CLCNKA: variants seen among roughly 807,000 people sequenced by gnomAD.
CLCNKA encodes the protein chloride voltage-gated channel Ka.
A neutral mutation model predicts 83.3 loss-of-function variants in CLCNKA; 66 were observed. The ratio of observed to expected loss-of-function variants is 0.79; its 90% confidence interval spans 0.65 to 0.97. CLCNKA has a LOEUF of 0.97. Ranked by LOEUF, CLCNKA falls within the 50% of genes least tolerant of loss-of-function variation. CLCNKA has a pLI of 0.00. For missense variants in CLCNKA, 806 were observed against 888.7 expected (o/e 0.91, Z 1.18); for synonymous variants, 357 against 370.4 (o/e 0.96, Z 0.42).
chr1:16,023,386 T>A (rs924259235), intron 2 of CLCNKA, among the ~76,000 whole-genome samples: 1 of 152,156 alleles, frequency 6.6e-6, no homozygotes, highest in Non-Finnish European at 1.5e-5. Context: ...CCCTTCACAC[T>A]CCCTGTCCCC....
At position 16,029,008 on chromosome 1, in the gene CLCNKA, G is replaced by T. The variant is rs532070036; in HGVS notation, c.1054-118G>T. 6.8e-5 allele frequency: 104 copies of T among 1,526,416 alleles called. 1 individual carries two copies. In the East Asian group the frequency reaches 7.0e-4, roughly 10 times the overall value. The allele number at this position is 1,526,416 out of a possible 1,614,324, so 94.6% of individuals were successfully genotyped here. On this transcript the variant is annotated intron_variant, in intron 11 of 19. Transcript: ENST00000331433. ...CTGGGAGGTCAGAGCCCTGCCCAAG[G>T]CCCCCCGCTGGGAAGTGGCAGGGGA...
chr1:16,033,166 C>T lies in CLCNKA; in HGVS notation c.1930-4C>T. The T allele has an allele frequency of 6.2e-7, 1 of 1,614,106 alleles. No individual in the cohort carries two copies. Among genetic ancestry groups the T allele is most frequent in the Non-Finnish European group, 8.5e-7 (1 of 1,179,946 alleles). ...CCAGTGTTTCCTAACAATCCCCCAT[C>T]CAGGCACAAAACCTCTTTAAGCTGT... On this transcript the variant is annotated splice_polypyrimidine_tract_variant and splice_region_variant and intron_variant, in intron 18 of 19. Coordinates refer to ENST00000331433, the MANE Select transcript of CLCNKA (RefSeq NM_004070.4).
In CLCNKA at chr1:16,030,454, C is replaced by T. The variant is rs758584822; in HGVS notation, c.1409-7C>T. 8 of 1,612,408 alleles carry T rather than the reference C, an allele frequency of 5.0e-6. No homozygotes were observed. The highest frequency in any genetic ancestry group is 1.1e-5 in the South Asian group (1 of 91,066). On this transcript the variant is annotated splice_polypyrimidine_tract_variant and splice_region_variant and intron_variant, in intron 14 of 19. Transcript: ENST00000331433. ...CTGAGCCGACCTGTGTGGCTCTGCC[C>T]CGGCAGGGGCTGCAGCCTTCTCAGG...
chr1:16,022,561 G>A (rs1426428583), intron 1 of CLCNKA, 52 bp from the exon 2 acceptor site: 16 of 1,358,132 alleles, frequency 1.2e-5, no homozygotes, highest in East Asian at 2.5e-5. Context: ...CAGAGGCAGC[G>A]CGAGGACGTG....
In CLCNKA at chr1:16,026,160, C is replaced by A. The variant is rs1229481672; in HGVS notation, c.411C>A (p.Asp137Glu). 3 of 1,613,576 alleles carry A rather than the reference C, an allele frequency of 1.9e-6. No homozygotes were observed. Among genetic ancestry groups the A allele is most frequent in the Non-Finnish European group, 2.5e-6 (3 of 1,180,026 alleles). Residue 137 changes from aspartate to glutamate, a missense_variant, in exon 5 of 20, where the codon GAC becomes GAA. Transcript: ENST00000331433. The stretch of plus-strand genomic sequence containing the variant: ...TGTTGGCGGGTGTGATCTTGGAGGA[C>A]TACCTGGATATCAAGAACTTTGGGG... ...KTMLAGVILE[D>E]YLDIKNFGAK...
rs776631698 is a variant in CLCNKA, at chr1:16,026,549, A to G, written c.512A>G (p.His171Arg). The G allele has an allele frequency of 2.5e-6, 4 of 1,613,766 alleles. No homozygotes were observed. The Admixed American group carries it at 6.7e-5, about 27-fold the overall frequency. Residue 171 changes from histidine to arginine, a missense_variant, in exon 6 of 20, where the codon CAC becomes CGC. Transcript: ENST00000331433. ...TTCCCTCTGCAGGGCCCTTTCGTGC[A>G]CCTGTCTGTAATGATCGCTGCCTAC... is the stretch of plus-strand genomic sequence containing the variant. Reference protein sequence around the residue: ...LFLGKVGPFVHLSVMIAAYLG... With the variant: ...LFLGKVGPFVRLSVMIAAYLG...
rs755317852 is a variant in CLCNKA, at chr1:16,026,622, C to A, written c.576+9C>A. 1.9e-6 allele frequency: 3 copies of A among 1,614,004 alleles called. No individual in the cohort carries two copies. The highest frequency in any genetic ancestry group is 2.5e-6 in the Non-Finnish European group (3 of 1,180,018). On this transcript the variant is annotated intron_variant, in intron 6 of 19. Transcript: ENST00000331433. ...CCATCGGGGAGCCTGAGGTTAGGGA[C>A]TCGGGGGCTTCCTTGGAGAAATGGG...
In CLCNKA at chr1:16,026,463, G is replaced by A. The variant is rs1557450070; in HGVS notation, c.499-73G>A. On this transcript the variant is annotated intron_variant, in intron 5 of 19. Transcript: ENST00000331433. ...TTGGGGAGATGGAGGAGGGGGTGTG[G>A]TGGGGAAGCCGTGCTGCCTCGGGGT... is the stretch of plus-strand genomic sequence containing the variant. 17 of 1,595,132 alleles carry A rather than the reference G, an allele frequency of 1.1e-5. 1 individual carries two copies. In the South Asian group the frequency reaches 1.8e-4, roughly 17 times the overall value.
chr1:16,030,374 C>A, intron 14 of CLCNKA, 87 bp from the exon 15 acceptor site: 1 of 1,523,164 alleles, frequency 6.6e-7, no homozygotes, highest in Non-Finnish European at 9.0e-7. Context: ...CCCTAGCCCC[C>A]GGCAGCAGCC....
At chr1:16,023,685 AC>A in intron 2 of CLCNKA, 114 bp from the exon 3 acceptor site, 2 of 1,285,752 alleles carry the variant, frequency 1.6e-6, no homozygotes, top group Non-Finnish European at 2.2e-6. Flanking sequence ...CCTCAGGACT[AC>A]CCCAGACTCA....
chr1:16,026,389 A>T (rs1281700200), intron 5 of CLCNKA, 142 bp downstream of exon 5: 2 of 1,437,494 alleles, frequency 1.4e-6, no homozygotes, highest in Non-Finnish European at 1.9e-6. Flanking sequence ...GGGAAGAGCC[A>T]GGCCAGGTCC....
chr1:16,026,920 C>A lies in CLCNKA; in HGVS notation c.655+145C>A, dbSNP rs111900551. On this transcript the variant is annotated intron_variant, in intron 7 of 19. Transcript: ENST00000331433. ...TCAGCCCCGCTTTGGGTATAGCCAC[C>A]CCCCGGGGGCGGCGGGGCGGGGCGG... is the stretch of plus-strand genomic sequence containing the variant. 13,291 of 1,099,434 alleles carry A rather than the reference C, an allele frequency of 0.012. 1,156 individuals are homozygous for A. In the African/African-American group the frequency reaches 0.18, roughly 15 times the overall value. The allele number at this position is 1,099,434 out of a possible 1,614,324, so 68.1% of individuals were successfully genotyped here.
chr1:16,027,428 CG>C lies in CLCNKA; in HGVS notation c.775del (p.Glu259SerfsTer37). 1.2e-6 allele frequency: 2 copies of C among 1,613,940 alleles called. No individual in the cohort carries two copies. The highest frequency in any genetic ancestry group is 1.7e-6 in the Non-Finnish European group (2 of 1,179,964). On this transcript the variant is annotated frameshift_variant, in exon 8 of 20. Transcript: ENST00000331433. LOFTEE classifies it high-confidence loss of function. ...IFRLLAVFNSEQETITSLYKT... is the reference protein window; with the variant it reads ...IFRLLAVFNSXQETITSLYKT... ...TCCGGCTCCTGGCAGTCTTCAACAG[CG>C]AGCAGGGTGAGCCCCCTGGGCTGCC...
At position 16,023,944 on chromosome 1, in the gene CLCNKA, C is replaced by G; in HGVS notation, c.229+16C>G. The G allele has an allele frequency of 6.2e-7, 1 of 1,613,678 alleles. No individual in the cohort carries two copies. On this transcript the variant is annotated intron_variant, in intron 3 of 19. Transcript: ENST00000331433. ...GTGGTCCGAGGTAACTCTTCCCTGGCAGGTGCTGCTCTGGGCCAAGGGATT... is the reference window on the plus strand; with the variant it reads ...GTGGTCCGAGGTAACTCTTCCCTGGGAGGTGCTGCTCTGGGCCAAGGGATT...
intron 2 of CLCNKA, among the ~76,000 whole-genome samples, 171 bp from the exon 3 acceptor site, chr1:16,023,629 G>C (rs1172012037): frequency 6.6e-6 from 1 of 152,196 alleles, no homozygotes; most frequent in Non-Finnish European, 1.5e-5. Flanking sequence ...GTCCCAGTGC[G>C]AGGAACGTGG....
chr1:16,033,073 C>G, intron 18 of CLCNKA, 97 bp from the exon 19 acceptor site: 1 of 1,299,984 alleles, frequency 7.7e-7, no homozygotes, highest in Non-Finnish European at 1.1e-6. Flanking sequence ...ATATCAGGCC[C>G]CGCCCCTCTT....
chr1:16,022,502 A>G, intron 1 of CLCNKA, 111 bp from the exon 2 acceptor site: 2 of 737,398 alleles, frequency 2.7e-6, no homozygotes, highest in Non-Finnish European at 4.5e-6. Context: ...ACACACACAC[A>G]CGCACAATCC....
At position 16,027,786 on chromosome 1, in the gene CLCNKA, C is replaced by G. The variant is rs57016480; in HGVS notation, c.782-35C>G. ...GACTTGAGTTTGGGTCGGGTGGGAG[C>G]GCCATCTTGGCTCCCCACTGCCCTC... On this transcript the variant is annotated intron_variant, in intron 8 of 19. Transcript: ENST00000331433. The G allele has an allele frequency of 8.5e-3, 13,384 of 1,572,114 alleles. 892 individuals carry two copies. The African/African-American group carries it at 0.16, about 19-fold the overall frequency.
chr1:16,029,257 G>A lies in CLCNKA; in HGVS notation c.1185G>A (p.Arg395=). Residue 395 remains arginine (R), a synonymous_variant, in exon 12 of 20, where the codon CGG becomes CGA. Coordinates refer to ENST00000331433, the MANE Select transcript of CLCNKA (RefSeq NM_004070.4). Reference sequence around the variant, plus strand: ...TTTGGTGGGAATGGTACCACCCGCGGTTCACCATCTTTGGGACCCTTGCCT... The same window carrying A: ...TTTGGTGGGAATGGTACCACCCGCGATTCACCATCTTTGGGACCCTTGCCT... ...QHLWWEWYHP[R]FTIFGTLAFF... is the part of the protein sequence containing the mutation. 2.5e-6 allele frequency: 4 copies of A among 1,613,906 alleles called. No individual in the cohort carries two copies. The highest frequency in any genetic ancestry group is 3.4e-6 in the Non-Finnish European group (4 of 1,179,990).
Sources: gnomAD v4.1 joint callset for allele counts (sites outside exome capture counted in the v4.1 genomes callset) on GRCh38, gnomAD v4.1.1 for gene constraint, MANE v1.5 for transcripts, NCBI Gene and HGNC (gene_info 2026-07-23, HGNC 2026-07-21) for gene names.